Variants in CLUL1 observed in about 807,000 individuals in gnomAD.
The protein encoded by CLUL1 is clusterin like 1, also known as clusterin-like protein 1.
Under a neutral mutation model 49.4 loss-of-function variants are expected in CLUL1, and 43 were observed. The ratio of observed to expected loss-of-function variants is 0.87; its 90% CI spans 0.68 to 1.12. The LOEUF is 1.12. Ranked by LOEUF, CLUL1 falls within the 50% of genes most tolerant of loss-of-function variation. The pLI, the probability that CLUL1 is intolerant of heterozygous loss-of-function variation, is 0.00. For missense variants in CLUL1, 486 were observed against 544.4 expected, an observed-to-expected ratio of 0.89 and a Z score of 1.07; for synonymous variants, 192 against 184.9, an observed-to-expected ratio of 1.04 and a Z score of -0.31.
chr18:620,725 T>G (rs1291737640), intron 4 of CLUL1, among the ~76,000 whole-genome samples: 1 of 152,230 alleles, frequency 6.6e-6, no homozygotes, highest in Admixed American at 6.5e-5. Flanking sequence ...GAATACATAT[T>G]ATATTCAAAT....
Position 642,356 on chromosome 18 carries a change from C to T in CLUL1, c.1209+815C>T, listed in dbSNP as rs183695984. On this transcript the variant is annotated intron_variant, in intron 8 of 9. Transcript: ENST00000692774. ...CTGAGGCAGGAGAATCACTTGAACC[C>T]GGAAGGCAGAGGTTGCAGTGAGCTG... Among the ~76,000 whole-genome samples, 877 of 152,202 alleles carry T rather than the reference C, an allele frequency of 5.8e-3. 2 individuals carry two copies. Among genetic ancestry groups the T allele is most frequent in the Middle Eastern group, 0.014 (4 of 294 alleles).
intron 7 of CLUL1, among the ~76,000 whole-genome samples, chr18:637,342 G>A (rs1045364332): frequency 3.3e-5 from 5 of 152,064 alleles, no homozygotes; most frequent in African/African-American, 1.2e-4. Context: ...TAGTGAGGAA[G>A]TCAGGTTACA....
intron 2 of CLUL1, chr18:616,786 G>C: frequency 1.5e-6 from 1 of 651,870 alleles, no homozygotes; most frequent in South Asian, 6.9e-5. Flanking sequence ...ATATTAATAA[G>C]TTTTGTTTTG....
Position 618,015 on chromosome 18 carries a change from C to G in CLUL1, c.15C>G (p.Leu5=), listed in dbSNP as rs116985056. ...ACAGCGGGAACATGAAGCCGCCACTCTTGGTGTTTATTGTGTGTCTGCTGT... is the reference window on the plus strand; with the variant it reads ...ACAGCGGGAACATGAAGCCGCCACTGTTGGTGTTTATTGTGTGTCTGCTGT... MKPP[L]LVFIVCLLWL... Residue 5 remains leucine, a synonymous_variant, in exon 3 of 10, where the codon CTC becomes CTG. Coordinates refer to ENST00000692774, the MANE Select transcript of CLUL1 (RefSeq NM_001393344.1). The surrounding 1 kb of genome is among the most constrained non-coding windows in gnomAD (Gnocchi z 4.2). 2.0e-3 allele frequency: 3,209 copies of G among 1,614,086 alleles called. 6 individuals are homozygous for G. The highest frequency in any genetic ancestry group is 2.5e-3 in the Non-Finnish European group (2,896 of 1,179,978).
intron 7 of CLUL1, among the ~76,000 whole-genome samples, chr18:641,117 T>G (rs2074332310): frequency 6.6e-6 from 1 of 152,218 alleles, no homozygotes; most frequent in African/African-American, 2.4e-5. Flanking sequence ...TTCTGTTACA[T>G]AAAACCATAT....
intron 1 of CLUL1, among the ~76,000 whole-genome samples, chr18:602,510 T>A (rs1334212743): frequency 6.6e-6 from 1 of 152,224 alleles, no homozygotes; most frequent in Non-Finnish European, 1.5e-5. Flanking sequence ...ACTGGGTTCC[T>A]GTATCCAATA....
At chr18:628,264 A>T (rs2144080668) in intron 6 of CLUL1, among the ~76,000 whole-genome samples, 1 of 152,386 alleles carries the variant, frequency 6.6e-6, no homozygotes, top group East Asian at 1.9e-4. Flanking sequence ...AGAGCAATTT[A>T]GTGCCCTCCT....
Position 640,544 on chromosome 18 carries a change from A to G in CLUL1, c.995-783A>G, listed in dbSNP as rs73366405. On this transcript the variant is annotated intron_variant, in intron 7 of 9. Coordinates refer to ENST00000692774, the MANE Select transcript of CLUL1 (RefSeq NM_001393344.1). ...TATCACTTATGTATTCTTTTGCAATATGGCTTTTCACTCAGTGTAGTTTGC... is the reference window on the plus strand; with the variant it reads ...TATCACTTATGTATTCTTTTGCAATGTGGCTTTTCACTCAGTGTAGTTTGC... Among the ~76,000 whole-genome samples the G allele has an allele frequency of 8.6e-3, 1,314 of 152,104 alleles. 16 individuals carry two copies. Among genetic ancestry groups the G allele is most frequent in the African/African-American group, 0.03 (1,249 of 41,504 alleles).
chr18:612,157 T>C (rs1167632319), intron 2 of CLUL1, among the ~76,000 whole-genome samples: 3 of 152,224 alleles, frequency 2.0e-5, no homozygotes, highest in Non-Finnish European at 4.4e-5. Context: ...AGTCCATTCT[T>C]CTCAGGACAA....
chr18:617,940 A>G (rs2073350531), intron 2 of CLUL1, 48 bp from the exon 3 acceptor site: 1 of 1,524,232 alleles, frequency 6.6e-7, no homozygotes, highest in African/African-American at 1.4e-5. Flanking sequence ...GCCAACAGAA[A>G]CTAACCAAAT....
chr18:626,380 T>G (rs541792719), intron 5 of CLUL1, among the ~76,000 whole-genome samples: 1 of 152,110 alleles, frequency 6.6e-6, no homozygotes, highest in East Asian at 1.9e-4. Flanking sequence ...AACTTGACCT[T>G]TTTAGGCTAT....
At chr18:600,383 GGA>G (rs1315125380) in intron 1 of CLUL1, among the ~76,000 whole-genome samples, 25 of 152,306 alleles carry the variant, frequency 1.6e-4, no homozygotes, top group Non-Finnish European at 3.5e-4. Flanking sequence ...AAAAGTTTGA[GGA>G]TAAGGACTTA....
intron 6 of CLUL1, among the ~76,000 whole-genome samples, chr18:630,306 G>A (rs576281086): frequency 1.3e-4 from 20 of 152,016 alleles, no homozygotes; most frequent in South Asian, 4.2e-4. Flanking sequence ...GCAGGGTTTC[G>A]CCATGTTGTC....
intron 1 of CLUL1, among the ~76,000 whole-genome samples, chr18:602,712 C>T (rs1027384110): frequency 2.0e-5 from 3 of 152,132 alleles, no homozygotes; most frequent in East Asian, 1.9e-4. Context: ...GGCGCATTTT[C>T]GCACCATCAA....
At chr18:646,433 A>G (rs909436988) in intron 9 of CLUL1, among the ~76,000 whole-genome samples, 1 of 151,582 alleles carries the variant, frequency 6.6e-6, no homozygotes, top group African/African-American at 2.4e-5. Flanking sequence ...AGAAAATGAG[A>G]AATTTGACAA....
At position 648,542 on chromosome 18, in the gene CLUL1, A is replaced by T. The variant is rs143449617; in HGVS notation, c.1398-1356A>T. ...TATTTTCTTAGATTCCAAGAAATAG[A>T]ATTACTTGTTTAGAGGTTATTAACA... On this transcript the variant is annotated intron_variant, in intron 9 of 9. Coordinates refer to ENST00000692774, the MANE Select transcript of CLUL1 (RefSeq NM_001393344.1). Among the ~76,000 whole-genome samples the T allele has an allele frequency of 4.4e-3, 674 of 152,250 alleles. 7 individuals are homozygous for T. Among genetic ancestry groups the T allele is most frequent in the African/African-American group, 0.016 (656 of 41,530 alleles).
At chr18:644,802 C>A in intron 8 of CLUL1, 108 bp from the exon 9 acceptor site, 2 of 726,610 alleles carry the variant, frequency 2.8e-6, no homozygotes, top group East Asian at 2.9e-5. Flanking sequence ...CAGGACTAAT[C>A]TGTTACCTCA....
chr18:636,331 C>A (rs551585953), intron 7 of CLUL1, among the ~76,000 whole-genome samples: 2 of 152,066 alleles, frequency 1.3e-5, no homozygotes, highest in African/African-American at 4.8e-5. Flanking sequence ...AATTATTAGA[C>A]GTCTTTAAAA....
rs532168123 is a variant in CLUL1, at chr18:627,802, C to A, written c.856+273C>A. On this transcript the variant is annotated intron_variant, in intron 6 of 9. Coordinates refer to ENST00000692774, the MANE Select transcript of CLUL1 (RefSeq NM_001393344.1). ...AGGTTGAGAACTTGAAAAAAAAAAACCAGTTCCCTCATTTATTATTTCTTT... is the reference window on the plus strand; with the variant it reads ...AGGTTGAGAACTTGAAAAAAAAAAAACAGTTCCCTCATTTATTATTTCTTT... Among the ~76,000 whole-genome samples the A allele has an allele frequency of 2.7e-3, 400 of 150,520 alleles. 1 individual carries two copies. The highest frequency in any genetic ancestry group is 9.2e-3 in the African/African-American group (379 of 41,218).
Sources: allele counts gnomAD v4.1 joint callset (sites outside exome capture counted in the v4.1 genomes callset), GRCh38; gene constraint gnomAD v4.1.1; non-coding constraint Gnocchi (gnomAD v3.1); transcripts MANE v1.5; gene names NCBI Gene and HGNC (gene_info 2026-07-23, HGNC 2026-07-21).